KLF7: variants seen among roughly 807,000 people sequenced by gnomAD.
The protein encoded by KLF7 is KLF transcription factor 7, also known as Krueppel-like factor 7.
KLF7 carries 2 observed loss-of-function variants against 27.3 expected under a neutral mutation model. The ratio of observed to expected loss-of-function variants is 0.07; its 90% CI spans 0.03 to 0.23. The LOEUF (loss-of-function observed/expected upper bound fraction) is 0.23, where lower values mean the gene tolerates loss of function less well. Ranked by LOEUF, KLF7 falls within the 10% of genes least tolerant of loss-of-function variation. The pLI, the probability that KLF7 is intolerant of heterozygous loss-of-function variation, is 1.00. For synonymous variants in KLF7, 165 were observed against 162.4 expected, an observed-to-expected ratio of 1.02 and a Z score of -0.12; for missense variants, 221 against 394.1, an observed-to-expected ratio of 0.56 and a Z score of 3.72.
intron 2 of KLF7, among the ~76,000 whole-genome samples, chr2:207,099,550 C>CTA (rs1359258095): frequency 4.8e-4 from 11 of 22,848 alleles, no homozygotes; most frequent in African/African-American, 2.5e-3. Flanking sequence ...GCTACATATG[C>CTA]GATATATATA....
At chr2:207,125,606 T>C (rs901717342) in intron 1 of KLF7, among the ~76,000 whole-genome samples, 5 of 152,266 alleles carry the variant, frequency 3.3e-5, no homozygotes, top group African/African-American at 1.2e-4. Context: ...GATTTTATTT[T>C]GGTGACATTT....
chr2:207,111,676 C>T (rs1406672158), intron 2 of KLF7, among the ~76,000 whole-genome samples: 2 of 152,206 alleles, frequency 1.3e-5, no homozygotes, highest in Non-Finnish European at 2.9e-5. Context: ...TTCCCCAAAG[C>T]ATGCTTGCTT....
chr2:207,125,043 T>C (rs2105992046), intron 1 of KLF7, among the ~76,000 whole-genome samples: 1 of 152,372 alleles, frequency 6.6e-6, no homozygotes, highest in Non-Finnish European at 1.5e-5. Context: ...CCTTGTTGTT[T>C]ATAGCAAGTC....
At chr2:207,125,493 C>A (rs1174519965) in intron 1 of KLF7, among the ~76,000 whole-genome samples, 1 of 152,130 alleles carries the variant, frequency 6.6e-6, no homozygotes, top group African/African-American at 2.4e-5. Flanking sequence ...AATTTACTGC[C>A]CCCGTAAAGC....
chr2:207,155,106 T>C lies in KLF7; in HGVS notation c.102+10361A>G, dbSNP rs541410514. On this transcript the variant is annotated intron_variant, in intron 1 of 3. Coordinates refer to ENST00000309446, the MANE Select transcript of KLF7 (RefSeq NM_003709.4). Reference sequence around the variant, plus strand: ...CCAGCTCAAATACTTCCAAGTTGTATGATTTTAAGCAAGCCATTCAATACC... The same window carrying C: ...CCAGCTCAAATACTTCCAAGTTGTACGATTTTAAGCAAGCCATTCAATACC... Among the ~76,000 whole-genome samples the C allele has an allele frequency of 7.9e-5, 12 of 152,342 alleles. No homozygotes were observed. In the South Asian group the frequency reaches 2.5e-3, roughly 32 times the overall value.
At chr2:207,148,934 T>G in intron 1 of KLF7, 1 of 836,734 alleles carries the variant, frequency 1.2e-6, no homozygotes, top group Non-Finnish European at 1.5e-6. Context: ...TGATTCCCCA[T>G]TCTCTAAATT....
At chr2:207,107,581 TCCA>T (rs1167417224) in intron 2 of KLF7, among the ~76,000 whole-genome samples, 2 of 152,248 alleles carry the variant, frequency 1.3e-5, no homozygotes, top group African/African-American at 4.8e-5. Flanking sequence ...TGCTGTTTTC[TCCA>T]CCTTCAAGCC....
In KLF7 at chr2:207,165,917, A is replaced by G. The variant is rs1334668057; in HGVS notation, c.-349T>C. 2.7e-6 allele frequency: 3 copies of G among 1,106,196 alleles called. No individual in the cohort carries two copies. In the African/African-American group the frequency reaches 4.8e-5, roughly 18 times the overall value. 68.5% of individuals were successfully genotyped at this position (1,106,196 alleles called of 1,614,324 possible). Reference sequence around the variant, plus strand: ...GGAAGGGGGATGCAAACTCACTGACACGAAGCTGCCATCTATTTCTGCAGC... The same window carrying G: ...GGAAGGGGGATGCAAACTCACTGACGCGAAGCTGCCATCTATTTCTGCAGC... On this transcript the variant is annotated 5_prime_UTR_variant, in exon 1 of 4. Coordinates refer to ENST00000309446, the MANE Select transcript of KLF7 (RefSeq NM_003709.4).
intron 2 of KLF7, among the ~76,000 whole-genome samples, chr2:207,093,469 C>CT (rs1346062130): frequency 2.0e-5 from 3 of 152,216 alleles, no homozygotes; most frequent in Non-Finnish European, 4.4e-5. Context: ...CTCTTGCTCC[C>CT]TCACTTCATT....
chr2:207,095,631 T>C (rs543631721), intron 2 of KLF7, among the ~76,000 whole-genome samples: 1 of 152,324 alleles, frequency 6.6e-6, no homozygotes, highest in East Asian at 1.9e-4. Context: ...AACTGAACTT[T>C]TAATTTAACC....
intron 2 of KLF7, among the ~76,000 whole-genome samples, chr2:207,106,467 T>C (rs745632395): frequency 7.2e-5 from 11 of 152,154 alleles, no homozygotes; most frequent in South Asian, 2.1e-4. Flanking sequence ...AAAAAATTGA[T>C]TGAAAGGACA....
Position 207,075,319 on chromosome 2 carries a change from C to CA in KLF7, c.*5893dup, listed in dbSNP as rs1338380423. The CA allele has an allele frequency of 1.4e-5, 2 of 145,442 alleles. No individual in the cohort carries two copies. Among genetic ancestry groups the CA allele is most frequent in the African/African-American group, 5.1e-5 (2 of 39,468 alleles). The allele number at this position is 145,442 out of a possible 1,614,324, so 9.0% of individuals were successfully genotyped here. A position where few individuals can be genotyped will look rare whatever the true frequency, so the allele number is the denominator to read the frequency against. On this transcript the variant is annotated 3_prime_UTR_variant, in exon 4 of 4. Coordinates refer to ENST00000309446, the MANE Select transcript of KLF7 (RefSeq NM_003709.4). ...TTTAAATCTTAAGACTTTTGTACAG[C>CA]AAAAAAACTTGACAAAGTAATATAT...
chr2:207,163,395 TGGGGAGGAGGCAGAGGAGCAG>T (rs1401693410), intron 1 of KLF7, among the ~76,000 whole-genome samples: 1 of 151,740 alleles, frequency 6.6e-6, no homozygotes, highest in Non-Finnish European at 1.5e-5. Flanking sequence ...CTTCCCTGAA[TGGGGAGGAGGCAGAGGAGCAG>T]GGGGAGGAGG....
At position 207,109,707 on chromosome 2, in the gene KLF7, C is replaced by T. The variant is rs116591657; in HGVS notation, c.733+14067G>A. ...CTCCCAAAGCTGATCTGAGTAGGAACGCCTCAGCTTACCCTTTCTTTAGCA... is the reference window on the plus strand; with the variant it reads ...CTCCCAAAGCTGATCTGAGTAGGAATGCCTCAGCTTACCCTTTCTTTAGCA... On this transcript the variant is annotated intron_variant, in intron 2 of 3. Transcript: ENST00000309446. Among the ~76,000 whole-genome samples the T allele has an allele frequency of 3.8e-3, 579 of 152,272 alleles. 2 individuals carry two copies. The highest frequency in any genetic ancestry group is 6.5e-3 in the Non-Finnish European group (441 of 68,018).
chr2:207,128,388 G>A (rs1036040904), intron 1 of KLF7, among the ~76,000 whole-genome samples: 5 of 152,136 alleles, frequency 3.3e-5, no homozygotes, highest in Admixed American at 2.0e-4. Flanking sequence ...CAAAAACACA[G>A]AAGGAATGAT....
At position 207,099,816 on chromosome 2, in the gene KLF7, C is replaced by T. The variant is rs376754794; in HGVS notation, c.734-11235G>A. ...TTCTCTAAACTTAAAAAAATAAAGGCAATGTTATCAATCTTCAAGAAGCCC... is the reference window on the plus strand; with the variant it reads ...TTCTCTAAACTTAAAAAAATAAAGGTAATGTTATCAATCTTCAAGAAGCCC... On this transcript the variant is annotated intron_variant, in intron 2 of 3. Coordinates refer to ENST00000309446, the MANE Select transcript of KLF7 (RefSeq NM_003709.4). 2.1e-4 allele frequency among the ~76,000 whole-genome samples: 32 copies of T among 151,892 alleles called. No homozygotes were observed. In the East Asian group the frequency reaches 5.8e-3, roughly 28 times the overall value.
At chr2:207,147,181 T>G (rs2078119023) in intron 1 of KLF7, among the ~76,000 whole-genome samples, 1 of 152,186 alleles carries the variant, frequency 6.6e-6, no homozygotes, top group Non-Finnish European at 1.5e-5. Context: ...TAGACAGTGG[T>G]TAGTGGTCCA....
At chr2:207,144,455 A>G (rs186817128) in intron 1 of KLF7, among the ~76,000 whole-genome samples, 1 of 152,320 alleles carries the variant, frequency 6.6e-6, no homozygotes, top group African/African-American at 2.4e-5. Context: ...GCTCTACTTC[A>G]TGAAAATGAC....
At chr2:207,111,868 C>T (rs182447107) in intron 2 of KLF7, among the ~76,000 whole-genome samples, 1 of 152,304 alleles carries the variant, frequency 6.6e-6, no homozygotes, top group Non-Finnish European at 1.5e-5. Flanking sequence ...TTTCCAGGGT[C>T]TTGCCAGACC....
Sources: gnomAD v4.1 joint callset for allele counts (sites outside exome capture counted in the v4.1 genomes callset) on GRCh38, gnomAD v4.1.1 for gene constraint, MANE v1.5 for transcripts, NCBI Gene and HGNC (gene_info 2026-07-23, HGNC 2026-07-21) for gene names.